The following FSTL4 variants were observed in gnomAD, a reference collection of about 807,000 sequenced individuals.
FSTL4 encodes the protein follistatin like 4, also known as follistatin-related protein 4.
In FSTL4, 28 loss-of-function variants were observed where a neutral mutation model predicts 78.2. That is an observed-to-expected ratio of 0.36 (90% CI 0.27 to 0.49). The LOEUF is 0.49. Among genes scored for constraint, FSTL4 ranks in the 20% least tolerant of loss-of-function variants. The pLI, the probability that FSTL4 is intolerant of heterozygous loss-of-function variation, is 0.98. For synonymous variants in FSTL4, 422 were observed against 440.5 expected, an observed-to-expected ratio of 0.96 and a Z score of 0.53; for missense variants, 922 against 1,084.9, an observed-to-expected ratio of 0.85 and a Z score of 2.11.
chr5:133,514,587 A>G (rs1758816076), intron 3 of FSTL4, among the ~76,000 whole-genome samples: 1 of 152,182 alleles, frequency 6.6e-6, no homozygotes, highest in South Asian at 2.1e-4. Context: ...AATAATCAAG[A>G]CAAAGACATA....
At chr5:133,442,420 G>A (rs551602717) in intron 3 of FSTL4, among the ~76,000 whole-genome samples, 2 of 152,224 alleles carry the variant, frequency 1.3e-5, no homozygotes, top group South Asian at 4.1e-4. Flanking sequence ...CTTGCATGGA[G>A]TCAGATCCAT....
chr5:133,651,727 A>C, the FSTL4 span, among the ~76,000 whole-genome samples: 1 of 152,030 alleles, frequency 6.6e-6, no homozygotes, highest in Non-Finnish European at 1.5e-5. Context: ...TTTATGAAAG[A>C]TATTGGTCTG....
In FSTL4 at chr5:133,225,627, C is replaced by A; in HGVS notation, c.1177+31G>T. On this transcript the variant is annotated intron_variant, in intron 9 of 15. Coordinates refer to ENST00000265342, the MANE Select transcript of FSTL4 (RefSeq NM_015082.2). The surrounding 1 kb of genome is among the most constrained non-coding windows in gnomAD (Gnocchi z 4.6). ...CTCAGCTTGATTTGAATGGGAATAT[C>A]GCATAGACGTCTACCAAGGGCAGTT... is the stretch of plus-strand genomic sequence containing the variant. 1 of 1,513,226 alleles carries A rather than the reference C, an allele frequency of 6.6e-7. No individual in the cohort carries two copies. Among genetic ancestry groups the A allele is most frequent in the South Asian group, 1.3e-5 (1 of 76,668 alleles). 93.7% of individuals were successfully genotyped at this position (1,513,226 alleles called of 1,614,324 possible). A position where few individuals can be genotyped will look rare whatever the true frequency, so the allele number is the denominator to read the frequency against.
chr5:133,359,436 C>T (rs141816735), intron 4 of FSTL4, among the ~76,000 whole-genome samples: 2 of 152,130 alleles, frequency 1.3e-5, no homozygotes, highest in Non-Finnish European at 2.9e-5. Flanking sequence ...GGAAATGAGG[C>T]CAGACACAAA....
the FSTL4 span, among the ~76,000 whole-genome samples, chr5:133,807,445 C>T: frequency 1.3e-4 from 20 of 152,278 alleles, no homozygotes; most frequent in East Asian, 3.5e-3. Flanking sequence ...ATACTTTAAA[C>T]GGAGGACAAA....
intron 4 of FSTL4, among the ~76,000 whole-genome samples, chr5:133,380,403 T>A (rs931996493): frequency 1.3e-5 from 2 of 152,056 alleles, no homozygotes; most frequent in African/African-American, 4.8e-5. Context: ...GGGAAGAGTA[T>A]GAACAAGTAT....
chr5:133,248,552 T>C (rs1252648253), intron 7 of FSTL4: 1 of 152,260 alleles, frequency 6.6e-6, no homozygotes, highest in Non-Finnish European at 1.5e-5. Context: ...ATAAATATCC[T>C]TGAATTATGC....
chr5:133,664,337 G>A, the FSTL4 span, among the ~76,000 whole-genome samples: 1 of 151,864 alleles, frequency 6.6e-6, no homozygotes, highest in East Asian at 1.9e-4. Context: ...AATTCCAGTA[G>A]AATTTCCTAG....
chr5:133,466,317 C>A (rs376791362), intron 3 of FSTL4, among the ~76,000 whole-genome samples: 4 of 152,246 alleles, frequency 2.6e-5, no homozygotes, highest in South Asian at 2.1e-4. Context: ...CCGAGGCGGG[C>A]AGATCATGGG....
At chr5:133,399,139 T>C (rs536289874) in intron 4 of FSTL4, among the ~76,000 whole-genome samples, 3 of 152,210 alleles carry the variant, frequency 2.0e-5, no homozygotes, top group African/African-American at 7.2e-5. Context: ...ATAGAAACCT[T>C]TAGGAAGATG....
At chr5:133,335,055 CA>C (rs1369759431) in intron 4 of FSTL4, among the ~76,000 whole-genome samples, 1 of 152,238 alleles carries the variant, frequency 6.6e-6, no homozygotes, top group Non-Finnish European at 1.5e-5. Flanking sequence ...CCTACACAAA[CA>C]CTGTGAGCAA....
chr5:133,259,595 A>G (rs1365261163), intron 6 of FSTL4, among the ~76,000 whole-genome samples: 1 of 144,446 alleles, frequency 6.9e-6, no homozygotes, highest in Non-Finnish European at 1.5e-5. Flanking sequence ...TTGGCTCATG[A>G]TCAGAAGGAT....
intron 4 of FSTL4, chr5:133,387,834 A>T (rs1755737603): frequency 6.6e-6 from 1 of 150,658 alleles, no homozygotes; most frequent in African/African-American, 2.4e-5. Flanking sequence ...AGGCACGGGG[A>T]GGCCCGACCG....
Position 133,611,189 on chromosome 5 carries a change from C to T in FSTL4, c.-11+1136G>A, listed in dbSNP as rs1054408455. On this transcript the variant is annotated intron_variant, in intron 1 of 15. Transcript: ENST00000265342. This position sits in a 1 kb window ranked among gnomAD's most constrained non-coding sequence, Gnocchi z 4.9. ...GGCTGCTGGACAGCGCCCCGGCACC[C>T]GCTCTCGAGCCGCGACACCGACCTC... is the stretch of plus-strand genomic sequence containing the variant. Among the ~76,000 whole-genome samples the T allele has an allele frequency of 1.3e-5, 2 of 152,052 alleles. No individual in the cohort carries two copies. The highest frequency in any genetic ancestry group is 4.8e-5 in the African/African-American group (2 of 41,434).
chr5:133,724,368 C>T, the FSTL4 span, among the ~76,000 whole-genome samples: 3 of 152,168 alleles, frequency 2.0e-5, no homozygotes, highest in Admixed American at 2.0e-4. Flanking sequence ...CTTCCTTTCC[C>T]TATATGACCA....
chr5:133,822,573 G>A, the FSTL4 span, among the ~76,000 whole-genome samples: 1 of 152,024 alleles, frequency 6.6e-6, no homozygotes, highest in Admixed American at 6.6e-5. Context: ...GAAGGTGAGG[G>A]TGGAGCCGTG....
At chr5:133,321,708 G>A (rs1442036713) in intron 4 of FSTL4, among the ~76,000 whole-genome samples, 1 of 152,250 alleles carries the variant, frequency 6.6e-6, no homozygotes. Context: ...CATTGCCAGG[G>A]CCTCTCTAAC....
the FSTL4 span, among the ~76,000 whole-genome samples, chr5:133,794,046 G>A: frequency 3.3e-5 from 5 of 152,172 alleles, no homozygotes; most frequent in South Asian, 8.3e-4. Context: ...CTGGGGAGCC[G>A]CTTGCCCTTT....
intron 6 of FSTL4, among the ~76,000 whole-genome samples, chr5:133,268,917 C>T (rs935740461): frequency 6.6e-5 from 10 of 152,084 alleles, no homozygotes; most frequent in Non-Finnish European, 1.0e-4. Context: ...CGCGGTGGCT[C>T]GTGCCTGTAA....
Sources: gnomAD v4.1 joint callset for allele counts (sites outside exome capture counted in the v4.1 genomes callset) on GRCh38, gnomAD v4.1.1 for gene constraint, Gnocchi (gnomAD v3.1) non-coding constraint, MANE v1.5 for transcripts, NCBI Gene and HGNC (gene_info 2026-07-23, HGNC 2026-07-21) for gene names.